The following ZBED6 variants were observed in gnomAD, a reference collection of about 807,000 sequenced individuals.
ZBED6 encodes zinc finger BED domain-containing protein 6.
In ZBED6, 40 loss-of-function variants were observed where a neutral mutation model predicts 58.4. The observed-to-expected ratio is 0.68, with a 90% CI of 0.53 to 0.89. The LOEUF is 0.89. ZBED6 is among the 40% of genes least tolerant of loss of function. ZBED6 has a pLI of 0.00. For synonymous variants in ZBED6, 439 were observed against 350.6 expected, an observed-to-expected ratio of 1.25 and a Z score of -2.82; for missense variants, 1,057 against 1,003.9, an observed-to-expected ratio of 1.05 and a Z score of -0.71.
At chr1:203,841,157 A>ATT (rs76329142) in intron 11 of ZBED6, among the ~76,000 whole-genome samples, 10 of 110,340 alleles carry the variant, frequency 9.1e-5, no homozygotes, top group Admixed American at 4.2e-4. Flanking sequence ...TTTTTTTTTT[A>ATT]TTTTTTTTTT....
chr1:203,818,754 T>C lies in ZBED6; in HGVS notation c.*2873+65T>C, dbSNP rs537285818. 462 of 1,609,612 alleles carry C rather than the reference T, an allele frequency of 2.9e-4. 1 individual carries two copies. In the Admixed American group the frequency reaches 3.8e-3, roughly 13 times the overall value. ...AGACCTGGTGGGCCAATAAAAAATA[T>C]AGGGACAAAAGTGACTTTTAAAAAA... On this transcript the variant is annotated intron_variant, in intron 3 of 16. Transcript: ENST00000550078.
chr1:203,805,863 G>A, intron 1 of ZBED6: 1 of 872,646 alleles, frequency 1.1e-6, no homozygotes, highest in South Asian at 1.3e-5. Flanking sequence ...CTTCCATCAT[G>A]TCCACTAGCT....
chr1:203,796,162 C>A, exon 1 of ZBED6: 1 of 321,006 alleles, frequency 3.1e-6, no homozygotes. Flanking sequence ...TCCCCCGAAT[C>A]CCGAAGAGAG....
intron 10 of ZBED6, 86 bp from the exon 11 acceptor site, chr1:203,840,220 T>C: frequency 7.5e-7 from 1 of 1,341,280 alleles, no homozygotes; most frequent in Non-Finnish European, 1.1e-6. Context: ...ATTACAGGTG[T>C]ATGCCACCAT....
At chr1:203,842,876 A>G (rs1686852005) in intron 11 of ZBED6, among the ~76,000 whole-genome samples, 1 of 151,142 alleles carries the variant, frequency 6.6e-6, no homozygotes. Flanking sequence ...ATATATATGT[A>G]CAGTTTAAGG....
In ZBED6 at chr1:203,824,295, G is replaced by C. The variant is rs990589627; in HGVS notation, c.*2874-4004G>C. Among the ~76,000 whole-genome samples the C allele has an allele frequency of 9.2e-5, 14 of 151,362 alleles. 1 individual carries two copies. The highest frequency in any genetic ancestry group is 9.2e-4 in the Admixed American group (14 of 15,148). The stretch of plus-strand genomic sequence containing the variant: ...AAATTAAAAAAAAAAAAAAAAGAGG[G>C]AAAATAATTTATATTTGTTTTTCAC... On this transcript the variant is annotated intron_variant, in intron 3 of 16. Transcript: ENST00000550078.
intron 3 of ZBED6, among the ~76,000 whole-genome samples, chr1:203,827,702 G>T (rs1310604287): frequency 6.6e-6 from 1 of 151,672 alleles, no homozygotes; most frequent in Admixed American, 6.6e-5. Flanking sequence ...AAAAAGTAAG[G>T]TGACTTGGGA....
At chr1:203,830,099 T>G (rs776753959) in intron 6 of ZBED6, 24 bp from the exon 7 acceptor site, 9 of 1,563,608 alleles carry the variant, frequency 5.8e-6, no homozygotes, top group Non-Finnish European at 2.6e-6. Flanking sequence ...CCGTTCCTCA[T>G]AAAATTTCTA....
chr1:203,850,102 C>G, intron 14 of ZBED6, 76 bp downstream of exon 14: 1 of 1,337,084 alleles, frequency 7.5e-7, no homozygotes, highest in Non-Finnish European at 1.0e-6. Context: ...CCAGTAACTT[C>G]CTGGCAACAA....
At chr1:203,833,376 A>G (rs1002017657) in intron 8 of ZBED6, among the ~76,000 whole-genome samples, 21 of 147,982 alleles carry the variant, frequency 1.4e-4, no homozygotes, top group African/African-American at 4.7e-4. Flanking sequence ...AAAAAAAAAA[A>G]AAAAAAAACA....
intron 12 of ZBED6, 143 bp from the exon 13 acceptor site, chr1:203,848,188 A>T (rs1688391836): frequency 2.8e-6 from 2 of 703,570 alleles, no homozygotes; most frequent in African/African-American, 1.8e-5. Context: ...GTATTTTGAG[A>T]CTTTAGGAGC....
intron 3 of ZBED6, 33 bp from the exon 4 acceptor site, chr1:203,828,266 T>A (rs749970428): frequency 6.2e-7 from 1 of 1,613,334 alleles, no homozygotes; most frequent in South Asian, 1.1e-5. Flanking sequence ...ATCACTGTTT[T>A]ATTTGAAAGC....
intron 1 of ZBED6, among the ~76,000 whole-genome samples, chr1:203,809,349 A>C (rs552417797): frequency 9.3e-5 from 14 of 150,372 alleles, no homozygotes; most frequent in Admixed American, 4.6e-4. Context: ...CTAATTTTTT[A>C]TATTTTTAGT....
intron 12 of ZBED6, 45 bp downstream of exon 12, chr1:203,847,732 TTC>T: frequency 5.1e-6 from 8 of 1,581,418 alleles, no homozygotes; most frequent in Non-Finnish European, 4.3e-6. Context: ...CCACATAATA[TTC>T]CAGAGGAGTG....
Position 203,796,610 on chromosome 1 carries a change from A to G in ZBED6, c.-913A>G, listed in dbSNP as rs752910304. 1.3e-5 allele frequency: 5 copies of G among 396,176 alleles called. No homozygotes were observed. The highest frequency in any genetic ancestry group is 1.8e-5 in the Non-Finnish European group (4 of 224,794). The allele number at this position is 396,176 out of a possible 1,614,324, so 24.5% of individuals were successfully genotyped here. ...TAGCGATGCTTTTTAGGGTAAATGT[A>G]TGTAGGTATTGGGGGAAGGGGAGGG... On this transcript the variant is annotated 5_prime_UTR_variant, in exon 1 of 17. The change abolishes an upstream ATG in the 5' untranslated region. Transcript: ENST00000550078.
At chr1:203,828,540 CACTTTACAGATAAGTG>C in intron 4 of ZBED6, 118 bp downstream of exon 4, 1 of 1,267,570 alleles carries the variant, frequency 7.9e-7, no homozygotes, top group Admixed American at 2.3e-5. Context: ...GAATTATTTC[CACTTTACAGATAAGTG>C]AACTGAATCT....
At chr1:203,841,746 C>T (rs1259482478) in intron 11 of ZBED6, among the ~76,000 whole-genome samples, 1 of 151,896 alleles carries the variant, frequency 6.6e-6, no homozygotes, top group African/African-American at 2.4e-5. Context: ...AGAGGCGCCC[C>T]CCACCTCCCA....
At position 203,805,960 on chromosome 1, in the gene ZBED6, G is replaced by A. The variant is rs937636048; in HGVS notation, c.*2554+2944G>A. The A allele has an allele frequency of 1.5e-5, 9 of 615,690 alleles. No individual in the cohort carries two copies. In the East Asian group the frequency reaches 3.5e-4, roughly 24 times the overall value. 38.1% of individuals were successfully genotyped at this position (615,690 alleles called of 1,614,324 possible). On this transcript the variant is annotated intron_variant, in intron 1 of 16. Coordinates refer to ENST00000550078, the Ensembl canonical transcript of ZBED6. ...TCCCAGTTTCATAGCATCAACCGTG[G>A]TCTTGGTATCCTTCAATGACTGGAT...
chr1:203,847,244 G>A, exon 12 of ZBED6: 1 of 1,613,856 alleles, frequency 6.2e-7, no homozygotes, highest in Non-Finnish European at 8.5e-7. Flanking sequence ...CTTCTTGAAA[G>A]AGCCAGTCAG....
Sources: gnomAD v4.1 joint callset for allele counts (sites outside exome capture counted in the v4.1 genomes callset) on GRCh38, gnomAD v4.1.1 for gene constraint, MANE v1.5 for transcripts, NCBI Gene and HGNC (gene_info 2026-07-23, HGNC 2026-07-21) for gene names.